AP4M1: variants seen among roughly 807,000 people sequenced by gnomAD.
AP4M1 encodes the protein adaptor related protein complex 4 subunit mu 1.
Under a neutral mutation model 62.4 loss-of-function variants are expected in AP4M1, and 58 were observed. That is an observed-to-expected ratio of 0.93 (90% confidence interval 0.75 to 1.16). The LOEUF (loss-of-function observed/expected upper bound fraction) is 1.16, where lower values mean the gene tolerates loss of function less well. Ranked by LOEUF, AP4M1 falls within the 50% of genes most tolerant of loss-of-function variation. The probability of loss-of-function intolerance (pLI) is 0.00; values close to 1 mark genes in which losing one functional copy is unlikely to be tolerated. For missense variants in AP4M1, 626 were observed against 585.4 expected (o/e 1.07, Z -0.72); for synonymous variants, 290 against 239.7 (o/e 1.21, Z -1.94).
chr7:100,102,518 C>T (rs1392120180), intron 2 of AP4M1, 157 bp from the exon 3 acceptor site: 1 of 700,354 alleles, frequency 1.4e-6, no homozygotes, highest in Non-Finnish European at 2.6e-6. Context: ...CCCCTTTCCA[C>T]ATTGGGAAGC....
chr7:100,105,383 A>G (rs1348691385), intron 10 of AP4M1, 37 bp downstream of exon 10: 3 of 1,612,362 alleles, frequency 1.9e-6, no homozygotes, highest in Non-Finnish European at 2.5e-6. Context: ...TCCGTCCACC[A>G]TGGGGAAGGG....
chr7:100,108,358 G>A lies in AP4M1; in HGVS notation c.*1476G>A. On this transcript the variant is annotated 3_prime_UTR_variant, in exon 15 of 15. Transcript: ENST00000359593. ...TCCTCCTATTCCTCCTCCCCACCCG[G>A]CCACGGACCTGCGTGATGGTCAGAG... 1 of 1,591,966 alleles carries A rather than the reference G, an allele frequency of 6.3e-7. No homozygotes were observed. Among genetic ancestry groups the A allele is most frequent in the Non-Finnish European group, 8.6e-7 (1 of 1,165,724 alleles).
In AP4M1 at chr7:100,107,736, C is replaced by T. The variant is rs1796690647; in HGVS notation, c.*854C>T. ...TGAACAAGTTGTTCCTGTAGTTCAC[C>T]CTGTAGACAGCTATGGCTGGAGACC... On this transcript the variant is annotated 3_prime_UTR_variant, in exon 15 of 15. Coordinates refer to ENST00000359593, the MANE Select transcript of AP4M1 (RefSeq NM_004722.4). The T allele has an allele frequency of 1.4e-6, 2 of 1,475,496 alleles. No homozygotes were observed. The highest frequency in any genetic ancestry group is 1.4e-5 in the African/African-American group (1 of 70,546). 91.4% of individuals were successfully genotyped at this position (1,475,496 alleles called of 1,614,324 possible).
upstream of AP4M1, chr7:100,100,993 C>T (rs1443580440): frequency 1.6e-5 from 14 of 878,878 alleles, no homozygotes; most frequent in Non-Finnish European, 2.1e-5. Context: ...CTGTGCAGCC[C>T]CCAGCCGGGT....
chr7:100,102,065 G>C, intron 2 of AP4M1, 97 bp downstream of exon 2: 1 of 1,358,890 alleles, frequency 7.4e-7, no homozygotes, highest in Admixed American at 1.9e-5. Context: ...GATTCCACTT[G>C]GGGGGTGCAT....
In AP4M1 at chr7:100,104,081, C is replaced by T. The variant is rs748073434; in HGVS notation, c.544-11C>T. 1.9e-6 allele frequency: 3 copies of T among 1,613,654 alleles called. No homozygotes were observed. The highest frequency in any genetic ancestry group is 1.7e-6 in the Non-Finnish European group (2 of 1,179,662). On this transcript the variant is annotated splice_polypyrimidine_tract_variant and intron_variant, in intron 6 of 14. Coordinates refer to ENST00000359593, the MANE Select transcript of AP4M1 (RefSeq NM_004722.4). Reference sequence around the variant, plus strand: ...CTGCTTCCAACCACCCAAATTCTCTCTCTTTCTCAGAGCCAAAAGAATGAA... The same window carrying T: ...CTGCTTCCAACCACCCAAATTCTCTTTCTTTCTCAGAGCCAAAAGAATGAA...
At chr7:100,106,166 G>T in intron 12 of AP4M1, 75 bp from the exon 13 acceptor site, 1 of 1,584,444 alleles carries the variant, frequency 6.3e-7, no homozygotes. Context: ...CTGAAATCCT[G>T]TTATGACATT....
At chr7:100,106,093 GC>G in intron 12 of AP4M1, 90 bp downstream of exon 12, 1 of 1,563,622 alleles carries the variant, frequency 6.4e-7, no homozygotes, top group Non-Finnish European at 8.8e-7. Context: ...AGATGCAGCT[GC>G]CAGCCTCAGA....
At chr7:100,101,126 C>G, upstream of AP4M1, 2 of 1,091,920 alleles carry the variant, frequency 1.8e-6, no homozygotes, top group Non-Finnish European at 2.7e-6. Context: ...TTAGCCAGGC[C>G]GCAGCTCGAC....
intron 11 of AP4M1, 150 bp downstream of exon 11, chr7:100,105,689 G>A: frequency 2.2e-6 from 2 of 900,908 alleles, no homozygotes; most frequent in East Asian, 2.6e-5. Flanking sequence ...GCTCACACCT[G>A]TAATCCTAGC....
Position 100,107,685 on chromosome 7 carries a change from C to T in AP4M1, c.*803C>T, listed in dbSNP as rs185847732. ...CCCTCCCTGCCCCCCAGAGGCCTGG[C>T]GAGGACGCTTCACTCGCTCCCTGCC... is the stretch of plus-strand genomic sequence containing the variant. On this transcript the variant is annotated 3_prime_UTR_variant, in exon 15 of 15. Transcript: ENST00000359593. 102 of 1,578,206 alleles carry T rather than the reference C, an allele frequency of 6.5e-5. No homozygotes were observed. In the African/African-American group the frequency reaches 7.2e-4, roughly 11 times the overall value.
At chr7:100,105,596 G>A in intron 11 of AP4M1, 57 bp downstream of exon 11, 1 of 1,517,816 alleles carries the variant, frequency 6.6e-7, no homozygotes, top group Non-Finnish European at 9.1e-7. Context: ...AGACCTGTAT[G>A]TTCCCAAGAC....
rs192270933 is a variant in AP4M1 at position 100,105,489 on chromosome 7, G to A, written c.879G>A (p.Pro293=). 9.3e-6 allele frequency: 15 copies of A among 1,613,766 alleles called. No individual in the cohort carries two copies. The highest frequency in any genetic ancestry group is 8.8e-5 in the South Asian group (8 of 91,090). ...RYQLSDDLPS[P]LPFRLFPSVQ... is the part of the protein sequence containing the mutation. ...AACTCTCCGATGACCTCCCCTCACC[G>A]CTCCCCTTCCGGCTCTTCCCCTCTG... is the stretch of plus-strand genomic sequence containing the variant. Residue 293 remains proline (P), a synonymous_variant, in exon 11 of 15, where the codon CCG becomes CCA. Transcript: ENST00000359593.
rs202159425 is a variant in AP4M1, at chr7:100,107,362, C to T, written c.*480C>T. The T allele has an allele frequency of 8.3e-6, 13 of 1,571,032 alleles. No individual in the cohort carries two copies. The highest frequency in any genetic ancestry group is 8.2e-5 in the South Asian group (7 of 85,378). ...TGCTTCCCCCCACAAAGGGCACTGC[C>T]GCTGAGTGGGGACGGGGACGATGCC... On this transcript the variant is annotated 3_prime_UTR_variant, in exon 15 of 15. Transcript: ENST00000359593.
rs1166781226 is a variant in AP4M1 at position 100,104,072 on chromosome 7, A to C, written c.544-20A>C. 6.2e-7 allele frequency: 1 copy of C among 1,613,062 alleles called. No individual in the cohort carries two copies. Among genetic ancestry groups the C allele is most frequent in the Non-Finnish European group, 8.5e-7 (1 of 1,179,264 alleles). On this transcript the variant is annotated intron_variant, in intron 6 of 14. Transcript: ENST00000359593. Reference sequence around the variant, plus strand: ...TAGGCTATTCTGCTTCCAACCACCCAAATTCTCTCTCTTTCTCAGAGCCAA... The same window carrying C: ...TAGGCTATTCTGCTTCCAACCACCCCAATTCTCTCTCTTTCTCAGAGCCAA...
intron 14 of AP4M1, 66 bp downstream of exon 14, chr7:100,106,580 C>CCAAACCACA: frequency 6.4e-7 from 1 of 1,560,330 alleles, no homozygotes; most frequent in Non-Finnish European, 8.8e-7. Context: ...CCCACCCTCC[C>CCAAACCACA]GAAGCAGCTG....
Position 100,101,969 on chromosome 7 carries a change from G to A in AP4M1, c.147+1G>A. On this transcript the variant is annotated splice_donor_variant, in intron 2 of 14. Coordinates refer to ENST00000359593, the MANE Select transcript of AP4M1 (RefSeq NM_004722.4). LOFTEE classifies it high-confidence loss of function. ...AGGAGACGAGTCCCCGGTTGTCATG[G>A]TAACCAGTGGCGGGAGGCGGGTGAG... The A allele has an allele frequency of 6.2e-7, 1 of 1,613,180 alleles. No individual in the cohort carries two copies. Among genetic ancestry groups the A allele is most frequent in the Non-Finnish European group, 8.5e-7 (1 of 1,179,922 alleles).
At chr7:100,101,156 A>T, upstream of AP4M1, 1 of 1,401,036 alleles carries the variant, frequency 7.1e-7, no homozygotes, top group Non-Finnish European at 1.0e-6. Context: ...GGCCTCGCGC[A>T]CCCCAGAACC....
chr7:100,103,541 G>A lies in AP4M1; in HGVS notation c.462+22G>A, dbSNP rs774904060. ...CTTGGTCAGTAGAGGGAAAGAGGAG[G>A]GTGAGGAAAGAGAAGAGGGGTTGGC... On this transcript the variant is annotated intron_variant, in intron 5 of 14. Coordinates refer to ENST00000359593, the MANE Select transcript of AP4M1 (RefSeq NM_004722.4). 5 of 1,613,844 alleles carry A rather than the reference G, an allele frequency of 3.1e-6. No homozygotes were observed. In the Admixed American group the frequency reaches 5.0e-5, roughly 16 times the overall value.
Sources: gnomAD v4.1 joint callset for allele counts on GRCh38, gnomAD v4.1.1 for gene constraint, MANE v1.5 for transcripts, NCBI Gene and HGNC (gene_info 2026-07-23, HGNC 2026-07-21) for gene names.